The following DOCK3 variants were observed in gnomAD, a reference collection of about 807,000 sequenced individuals.
DOCK3 encodes the protein dedicator of cytokinesis 3, also known as dedicator of cytokinesis protein 3.
A neutral mutation model predicts 265.6 loss-of-function variants in DOCK3; 60 were observed. The observed-to-expected ratio is 0.23, with a 90% confidence interval of 0.18 to 0.28. DOCK3 has a LOEUF of 0.28. DOCK3 is among the 10% of genes least tolerant of loss of function. The pLI is 1.00. For synonymous variants in DOCK3, 881 were observed against 938.0 expected (o/e 0.94, Z 1.11); for missense variants, 1,981 against 2,594.3 (o/e 0.76, Z 5.14).
intron 12 of DOCK3, among the ~76,000 whole-genome samples, chr3:51,184,770 A>G (rs2087500372): frequency 6.6e-6 from 1 of 152,162 alleles, no homozygotes; most frequent in Non-Finnish European, 1.5e-5. Context: ...AACTCTTTCT[A>G]AAAATAACAA....
intron 40 of DOCK3, among the ~76,000 whole-genome samples, chr3:51,352,831 C>T (rs1403963644): frequency 6.6e-6 from 1 of 152,128 alleles, no homozygotes; most frequent in Non-Finnish European, 1.5e-5. Context: ...GGAGCTCTTG[C>T]CCAAGTGAAT....
intron 5 of DOCK3, among the ~76,000 whole-genome samples, chr3:50,973,859 T>C (rs1454991357): frequency 7.3e-6 from 1 of 136,996 alleles, no homozygotes; most frequent in Non-Finnish European, 1.6e-5. Flanking sequence ...TATCTCATTG[T>C]GGTTTTGATT....
chr3:50,868,332 A>G (rs1189561916), intron 3 of DOCK3, among the ~76,000 whole-genome samples: 1 of 152,070 alleles, frequency 6.6e-6, no homozygotes, highest in Non-Finnish European at 1.5e-5. Context: ...TCGGCCTTCC[A>G]AAGTGCTGGG....
intron 4 of DOCK3, among the ~76,000 whole-genome samples, chr3:50,905,976 C>T (rs2049472535): frequency 6.6e-6 from 1 of 151,870 alleles, no homozygotes; most frequent in Non-Finnish European, 1.5e-5. Context: ...GCATGAAGGG[C>T]TGTTGAATTT....
intron 5 of DOCK3, among the ~76,000 whole-genome samples, chr3:51,002,161 C>G (rs2078505529): frequency 6.6e-6 from 1 of 151,896 alleles, no homozygotes; most frequent in Admixed American, 6.6e-5. Context: ...ATTGCCCAAG[C>G]TGATTTCAAA....
chr3:50,819,937 G>A (rs2106897494), intron 2 of DOCK3, among the ~76,000 whole-genome samples: 1 of 152,248 alleles, frequency 6.6e-6, no homozygotes. Context: ...ACTCTAACTT[G>A]GGCGAGAGAG....
chr3:50,925,350 A>T (rs535464350), intron 4 of DOCK3, among the ~76,000 whole-genome samples: 28 of 152,324 alleles, frequency 1.8e-4, no homozygotes, highest in African/African-American at 6.7e-4. Flanking sequence ...CCATCTGTCA[A>T]AGTCAAATAA....
At chr3:51,338,534 G>A (rs1003189934) in intron 36 of DOCK3, 115 bp downstream of exon 36, 5 of 1,162,304 alleles carry the variant, frequency 4.3e-6, no homozygotes, top group African/African-American at 3.1e-5. Context: ...GTTTGAATCA[G>A]GACATCAGCT....
chr3:51,375,946 C>A, intron 51 of DOCK3, 111 bp downstream of exon 51: 2 of 1,062,022 alleles, frequency 1.9e-6, no homozygotes, highest in South Asian at 1.3e-5. Flanking sequence ...ACACTCAGGT[C>A]TGTCCGTCTG....
At chr3:50,821,168 A>T (rs1576542719) in intron 2 of DOCK3, among the ~76,000 whole-genome samples, 1 of 139,642 alleles carries the variant, frequency 7.2e-6, no homozygotes, top group Non-Finnish European at 1.5e-5. Context: ...TGCTGTGCAG[A>T]AGAAGCTCTT....
intron 12 of DOCK3, among the ~76,000 whole-genome samples, chr3:51,165,350 G>C (rs985503696): frequency 2.6e-5 from 4 of 152,146 alleles, no homozygotes; most frequent in Admixed American, 1.3e-4. Context: ...CATTTAAATT[G>C]TACAACATGA....
rs1337316878 is a variant in DOCK3 at position 50,701,484 on chromosome 3, TAGTC to T, written c.37+26186_37+26189del. ...TGAGTTCCTTGTATATTCTGTATGT[TAGTC>T]ACTTATCAGATAAATAGTTTGCAAA... On this transcript the variant is annotated intron_variant, in intron 1 of 52. Coordinates refer to ENST00000266037, the MANE Select transcript of DOCK3 (RefSeq NM_004947.5). Among the ~76,000 whole-genome samples the T allele has an allele frequency of 3.2e-5, 4 of 125,104 alleles. No individual in the cohort carries two copies. In the Admixed American group the frequency reaches 3.3e-4, roughly 10 times the overall value. 82.1% of individuals were successfully genotyped at this position (125,104 alleles called of 152,430 possible). A position where few individuals can be genotyped will look rare whatever the true frequency, so the allele number is the denominator to read the frequency against.
intron 9 of DOCK3, among the ~76,000 whole-genome samples, chr3:51,094,374 G>A (rs560703582): frequency 1.1e-4 from 16 of 151,824 alleles, no homozygotes; most frequent in Admixed American, 5.2e-4. Context: ...TTAGGGATTC[G>A]ACTTCTTCTG....
chr3:51,020,702 C>T (rs770196654), intron 5 of DOCK3, among the ~76,000 whole-genome samples: 6 of 151,876 alleles, frequency 4.0e-5, no homozygotes, highest in Non-Finnish European at 7.4e-5. Flanking sequence ...AGCCAGTTCT[C>T]GCAATACCAT....
At position 51,381,498 on chromosome 3, in the gene DOCK3, C is replaced by A; in HGVS notation, c.6032C>A (p.Pro2011His). The change falls in exon 53 of 53, where the codon CCT becomes CAT. Residue 2011 changes from proline to histidine, a missense_variant. Pro to His is a moderately conservative substitution (Grantham distance 77). Transcript: ENST00000266037. This position sits in a 1 kb window ranked among gnomAD's most constrained non-coding sequence, Gnocchi z 5.6. ...CTGCACCGCAAGGCTCCATTGCCTC[C>A]TGGGAGCGCTAAGGAGGAGCAGGCC... ...RGLHRKAPLPPGSAKEEQARM... is the reference protein window; with the variant it reads ...RGLHRKAPLPHGSAKEEQARM... 1 of 1,583,252 alleles carries A rather than the reference C, an allele frequency of 6.3e-7. No individual in the cohort carries two copies.
chr3:51,351,429 CTAGCGG>C (rs1304800208), intron 40 of DOCK3, among the ~76,000 whole-genome samples: 1 of 152,168 alleles, frequency 6.6e-6, no homozygotes, highest in Non-Finnish European at 1.5e-5. Flanking sequence ...AGCTAGTCTG[CTAGCGG>C]CAGAGTCCAG....
chr3:50,974,189 G>T (rs1453583779), intron 5 of DOCK3, among the ~76,000 whole-genome samples: 3 of 152,012 alleles, frequency 2.0e-5, no homozygotes, highest in African/African-American at 7.2e-5. Context: ...ATTGCTTTTA[G>T]TGTTTTAGAC....
Position 51,381,642 on chromosome 3 carries a change from C to T in DOCK3, c.*83C>T. On this transcript the variant is annotated 3_prime_UTR_variant, in exon 53 of 53. Transcript: ENST00000266037. This position sits in a 1 kb window ranked among gnomAD's most constrained non-coding sequence, Gnocchi z 5.6. ...GTCTGAAAAGCAAGTCCCCCAGCCC[C>T]ACCCCAGGGAGCCAGAGAGGCTTGC... The T allele has an allele frequency of 7.0e-7, 1 of 1,431,714 alleles. No individual in the cohort carries two copies. The highest frequency in any genetic ancestry group is 9.1e-7 in the Non-Finnish European group (1 of 1,096,678). 88.7% of individuals were successfully genotyped at this position (1,431,714 alleles called of 1,614,324 possible).
At chr3:51,232,374 C>T (rs1379312053) in intron 19 of DOCK3, among the ~76,000 whole-genome samples, 1 of 152,106 alleles carries the variant, frequency 6.6e-6, no homozygotes, top group East Asian at 1.9e-4. Context: ...GGCTTCTTTT[C>T]CTTTGGGTAG....
Sources: gnomAD v4.1 joint callset for allele counts (sites outside exome capture counted in the v4.1 genomes callset) on GRCh38, gnomAD v4.1.1 for gene constraint, Gnocchi (gnomAD v3.1) non-coding constraint, MANE v1.5 for transcripts, NCBI Gene and HGNC (gene_info 2026-07-23, HGNC 2026-07-21) for gene names.